The following TUG1 variants were observed in gnomAD, a reference collection of about 807,000 sequenced individuals.
The protein encoded by TUG1 is taurine upregulated gene 1.
chr22:30,974,434 A>G (rs1190490864), intron 2 of TUG1: 2 of 151,916 alleles, frequency 1.3e-5, no homozygotes, highest in Non-Finnish European at 2.9e-5. Context: ...ACAGAAGGAT[A>G]TTTTTTTGCA....
At chr22:30,973,301 T>C (rs1333808490) in exon 2 of TUG1, 1 of 152,184 alleles carries the variant, frequency 6.6e-6, no homozygotes, top group Non-Finnish European at 1.5e-5. Context: ...CACCCCACAA[T>C]CTCAAATGAT....
At chr22:30,974,174 A>AG (rs2041261071) in intron 2 of TUG1, 1 of 151,866 alleles carries the variant, frequency 6.6e-6, no homozygotes, top group African/African-American at 2.4e-5. Context: ...TAAAGTCAGT[A>AG]TTGTGTGTGT....
chr22:30,975,637 G>A (rs2041280205), exon 3 of TUG1: 1 of 152,190 alleles, frequency 6.6e-6, no homozygotes, highest in Non-Finnish European at 1.5e-5. Context: ...TGGATATCCA[G>A]TGATTCCTAG....
chr22:30,975,925 A>G (rs369872292), exon 3 of TUG1: 7 of 141,824 alleles, frequency 4.9e-5, no homozygotes, highest in South Asian at 2.2e-4. Flanking sequence ...AACATTTCCT[A>G]AAGGGGCTCA....
At chr22:30,975,343 C>T (rs1185218589) in exon 3 of TUG1, 5 of 152,162 alleles carry the variant, frequency 3.3e-5, no homozygotes, top group Admixed American at 6.5e-5. Context: ...CCTTTACCAC[C>T]GTGGTGACAC....
chr22:30,972,319 A>G (rs1358996847), intron 1 of TUG1: 2 of 152,210 alleles, frequency 1.3e-5, no homozygotes, highest in East Asian at 3.9e-4. Flanking sequence ...AGAAACCAAT[A>G]TGTTGAATGA....
intron 2 of TUG1, chr22:30,973,893 C>T (rs1156707169): frequency 1.3e-5 from 2 of 151,968 alleles, no homozygotes; most frequent in African/African-American, 4.8e-5. Flanking sequence ...ATCTGGTGCC[C>T]CTAGTCACAT....
exon 3 of TUG1, chr22:30,979,279 T>C (rs1158609602): frequency 6.6e-6 from 1 of 152,208 alleles, no homozygotes; most frequent in Non-Finnish European, 1.5e-5. Flanking sequence ...TTCACAGCTT[T>C]CTTTGAACAG....
At chr22:30,972,767 G>A (rs1279052653) in intron 1 of TUG1, 88 bp from the exon 2 acceptor site, 5 of 153,182 alleles carry the variant, frequency 3.3e-5, no homozygotes, top group African/African-American at 9.6e-5. Flanking sequence ...TCAGGCTGCC[G>A]ATGTGCTGAC....
chr22:30,976,530 A>G (rs751012003), exon 3 of TUG1: 1 of 152,234 alleles, frequency 6.6e-6, no homozygotes, highest in Non-Finnish European at 1.5e-5. Flanking sequence ...GAACCACATC[A>G]GTCTCAATAC....
chr22:30,971,267 C>G (rs981022664), exon 1 of TUG1: 1 of 152,154 alleles, frequency 6.6e-6, no homozygotes. Context: ...GACAGATAAT[C>G]TCACTTCCAG....
exon 3 of TUG1, chr22:30,979,169 A>G (rs1035336254): frequency 2.7e-5 from 4 of 150,632 alleles, no homozygotes; most frequent in Non-Finnish European, 4.4e-5. Context: ...AAAAATGGCC[A>G]TGATACATTA....
At chr22:30,973,019 A>C (rs1230343851) in exon 2 of TUG1, 1 of 152,998 alleles carries the variant, frequency 6.5e-6, no homozygotes, top group African/African-American at 2.4e-5. Context: ...GTGACCCAGG[A>C]GGCATTCAGC....
At chr22:30,973,287 A>G (rs1944407161) in exon 2 of TUG1, 1 of 152,188 alleles carries the variant, frequency 6.6e-6, no homozygotes, top group Non-Finnish European at 1.5e-5. Context: ...GCAGCATTGG[A>G]CCACACCCCA....
intron 2 of TUG1, chr22:30,974,170 C>T (rs1052322140): frequency 6.6e-6 from 1 of 151,502 alleles, no homozygotes; most frequent in Non-Finnish European, 1.5e-5. Flanking sequence ...TTTTTAAAGT[C>T]AGTATTGTGT....
chr22:30,969,959 G>C (rs1408992102), exon 1 of TUG1: 1 of 152,236 alleles, frequency 6.6e-6, no homozygotes, highest in Non-Finnish European at 1.5e-5. Flanking sequence ...CTGCGCCTCA[G>C]TTTCCTCCTC....
chr22:30,978,325 C>G (rs746155046), exon 3 of TUG1: 1 of 152,196 alleles, frequency 6.6e-6, no homozygotes, highest in Non-Finnish European at 1.5e-5. Context: ...ACTTATCTCT[C>G]ATGGTGTTTT....
exon 1 of TUG1, chr22:30,971,223 A>G (rs1024391101): frequency 2.0e-5 from 3 of 152,234 alleles, no homozygotes; most frequent in Non-Finnish European, 2.9e-5. Context: ...GTCTGAAAAA[A>G]TCAATTGACT....
At chr22:30,971,803 C>T (rs889431424) in intron 1 of TUG1, 24 bp downstream of exon 1, 1 of 152,442 alleles carries the variant, frequency 6.6e-6, no homozygotes, top group East Asian at 1.9e-4. Context: ...TCCAAAATGC[C>T]TTATCCTTTA....
Sources: gnomAD v4.1 joint callset for allele counts on GRCh38, gnomAD v4.1.1 for gene constraint, MANE v1.5 for transcripts, NCBI Gene and HGNC (gene_info 2026-07-23, HGNC 2026-07-21) for gene names.